The following BUB1B variants were observed in gnomAD, a reference collection of about 807,000 sequenced individuals.
The protein encoded by BUB1B is mitotic checkpoint serine/threonine-protein kinase BUB1 beta.
In BUB1B, 86 loss-of-function variants were observed where a neutral mutation model predicts 137.7. That is an observed-to-expected ratio of 0.62 (90% CI 0.52 to 0.75). The LOEUF is 0.75. BUB1B is among the 30% of genes least tolerant of loss of function. The pLI is 0.00. For synonymous variants in BUB1B, 420 were observed against 417.9 expected, an observed-to-expected ratio of 1.00 and a Z score of -0.06; for missense variants, 1,130 against 1,236.9, an observed-to-expected ratio of 0.91 and a Z score of 1.30.
In BUB1B at chr15:40,208,851, T is replaced by A. The variant is rs571817025; in HGVS notation, c.2143+81T>A. The A allele has an allele frequency of 8.8e-5, 126 of 1,434,572 alleles. 1 individual carries two copies. The East Asian group carries it at 2.4e-3, about 27-fold the overall frequency. The allele number at this position is 1,434,572 out of a possible 1,614,324, so 88.9% of individuals were successfully genotyped here. On this transcript the variant is annotated intron_variant, in intron 16 of 22. Coordinates refer to ENST00000287598, the MANE Select transcript of BUB1B (RefSeq NM_001211.6). ...AACTGAGCTGTATGTTTTTCTTTTT[T>A]TGAGACAGGGTCTCACTCTGTCACC...
At position 40,213,359 on chromosome 15, in the gene BUB1B, A is replaced by G. The variant is rs1566828604; in HGVS notation, c.2563A>G (p.Thr855Ala). 4.3e-6 allele frequency: 7 copies of G among 1,613,800 alleles called. No homozygotes were observed. Among genetic ancestry groups the G allele is most frequent in the Non-Finnish European group, 5.9e-6 (7 of 1,179,852 alleles). The change falls in exon 20 of 23, where the codon ACC (threonine) becomes GCC (alanine). Residue 855 changes from threonine (T) to alanine (A), a missense_variant. Physicochemically the swap from Thr to Ala is moderately conservative, Grantham distance 58. Transcript: ENST00000287598. The stretch of plus-strand genomic sequence containing the variant: ...TCTTCTCCAACACAGTGAATATATT[A>G]CCCATGAAATAACAGTGTTGATTAT... ...QDLLQHSEYI[T>A]HEITVLIIYN...
intron 14 of BUB1B, among the ~76,000 whole-genome samples, chr15:40,205,276 T>G (rs2037624260): frequency 6.6e-6 from 1 of 152,140 alleles, no homozygotes; most frequent in Non-Finnish European, 1.5e-5. Context: ...ATACTTTGTT[T>G]CTTCCAGATG....
chr15:40,194,249 G>A (rs901998053), intron 8 of BUB1B, among the ~76,000 whole-genome samples: 22 of 151,962 alleles, frequency 1.4e-4, no homozygotes, highest in South Asian at 2.1e-4. Flanking sequence ...TGATGAACTC[G>A]TTTGTTATCT....
chr15:40,201,027 G>A, intron 12 of BUB1B, 47 bp downstream of exon 12: 1 of 1,529,232 alleles, frequency 6.5e-7, no homozygotes, highest in Non-Finnish European at 9.1e-7. Flanking sequence ...GATAACAAAT[G>A]TATTATGTAA....
At chr15:40,171,504 A>AC (rs1298610708) in intron 4 of BUB1B, among the ~76,000 whole-genome samples, 2 of 152,112 alleles carry the variant, frequency 1.3e-5, no homozygotes, top group Non-Finnish European at 2.9e-5. Context: ...CTGAGATTGC[A>AC]CCACTGTCCG....
At chr15:40,167,657 T>C (rs1277152329) in intron 2 of BUB1B, among the ~76,000 whole-genome samples, 10 of 152,148 alleles carry the variant, frequency 6.6e-5, no homozygotes, top group Non-Finnish European at 1.2e-4. Context: ...TATTTTAGCT[T>C]TTATGTTTAG....
chr15:40,215,165 T>G (rs2037760268), intron 20 of BUB1B, among the ~76,000 whole-genome samples: 1 of 151,964 alleles, frequency 6.6e-6, no homozygotes, highest in Admixed American at 6.6e-5. Flanking sequence ...CATAGATTCA[T>G]AAGGAATTAA....
intron 6 of BUB1B, among the ~76,000 whole-genome samples, chr15:40,184,731 C>G (rs1476157386): frequency 6.6e-6 from 1 of 152,024 alleles, no homozygotes; most frequent in Non-Finnish European, 1.5e-5. Context: ...TAATAACCAG[C>G]CCCACAACAG....
At chr15:40,168,279 A>G (rs1248799505) in intron 2 of BUB1B, among the ~76,000 whole-genome samples, 1 of 152,144 alleles carries the variant, frequency 6.6e-6, no homozygotes, top group Non-Finnish European at 1.5e-5. Flanking sequence ...AGGTAGGAGA[A>G]TCACTTGAAC....
At position 40,161,869 on chromosome 15, in the gene BUB1B, A is replaced by G. The variant is rs554942985; in HGVS notation, c.35+614A>G. On this transcript the variant is annotated intron_variant, in intron 1 of 22. Transcript: ENST00000287598. ...GTGTTTTCACTGTGGTGCCCGCAAT[A>G]CCTAGATAAGTGCTATGTCATGGGC... Among the ~76,000 whole-genome samples, 3 of 152,310 alleles carry G rather than the reference A, an allele frequency of 2.0e-5. No individual in the cohort carries two copies. The South Asian group carries it at 6.2e-4, about 32-fold the overall frequency.
At chr15:40,170,259 C>A in intron 3 of BUB1B, 138 bp downstream of exon 3, 1 of 858,022 alleles carries the variant, frequency 1.2e-6, no homozygotes, top group South Asian at 1.5e-5. Flanking sequence ...CCAGAATAAT[C>A]ATAATATATC....
rs368585401 is a variant in BUB1B, at chr15:40,213,323, A to G, written c.2536-9A>G. ...AGAAATAGTGAGTTTTCTGTCCTTC[A>G]ATTTCCAGGATCTTCTCCAACACAG... On this transcript the variant is annotated splice_polypyrimidine_tract_variant and intron_variant, in intron 19 of 22. Coordinates refer to ENST00000287598, the MANE Select transcript of BUB1B (RefSeq NM_001211.6). 5.3e-5 allele frequency: 85 copies of G among 1,613,504 alleles called. No homozygotes were observed. The highest frequency in any genetic ancestry group is 6.2e-5 in the Non-Finnish European group (73 of 1,179,858).
intron 8 of BUB1B, among the ~76,000 whole-genome samples, chr15:40,188,814 C>T (rs888332769): frequency 4.6e-5 from 7 of 152,104 alleles, no homozygotes; most frequent in African/African-American, 1.2e-4. Flanking sequence ...AACTCCTGAC[C>T]TCGAGATCTG....
chr15:40,200,942 T>G lies in BUB1B; in HGVS notation c.1529T>G (p.Leu510Arg). The change falls in exon 12 of 23, where the codon CTT becomes CGT. Residue 510 changes from leucine to arginine, a missense_variant. Leu to Arg is a moderately radical substitution (Grantham distance 102). Coordinates refer to ENST00000287598, the MANE Select transcript of BUB1B (RefSeq NM_001211.6). ...QVNCCARETS[L>R]AENIWQEQPH... ...AAGTTTCTTTACAGAGAAACTTCAC[T>G]TGCGGAGAACATTTGGCAGGAACAA... 6.2e-7 allele frequency: 1 copy of G among 1,613,384 alleles called. No individual in the cohort carries two copies. The highest frequency in any genetic ancestry group is 8.5e-7 in the Non-Finnish European group (1 of 1,179,560).
chr15:40,185,368 T>G lies in BUB1B; in HGVS notation c.955T>G (p.Leu319Val). Residue 319 changes from leucine (L) to valine (V), a missense_variant, in exon 7 of 23, where the codon TTG becomes GTG. Coordinates refer to ENST00000287598, the MANE Select transcript of BUB1B (RefSeq NM_001211.6). ...QAGPWNTGRSLEHRPRGNTAS... is the reference protein window; with the variant it reads ...QAGPWNTGRSVEHRPRGNTAS... ...AGGCCCTTGGAACACAGGCAGGTCC[T>G]TGGAACACAGGGTAAGGACTCTTAG... 6.2e-7 allele frequency: 1 copy of G among 1,614,168 alleles called. No homozygotes were observed.
intron 8 of BUB1B, among the ~76,000 whole-genome samples, chr15:40,191,715 C>T (rs2037440639): frequency 6.6e-6 from 1 of 152,184 alleles, no homozygotes; most frequent in Admixed American, 6.5e-5. Context: ...CCCAGCACCA[C>T]TTGTTGAAGA....
intron 9 of BUB1B, among the ~76,000 whole-genome samples, chr15:40,197,438 A>G (rs1000758812): frequency 2.6e-5 from 4 of 152,170 alleles, no homozygotes; most frequent in Non-Finnish European, 5.9e-5. Flanking sequence ...AGTAAGGCAT[A>G]TGGGGCTTAA....
rs750124818 is a variant in BUB1B at position 40,213,201 on chromosome 15, C to G, written c.2536-131C>G. ...TGTTATTAAAACTGGGACATAGACT[C>G]AGTCTACAGAGGTGCCTACGTTCCA... On this transcript the variant is annotated intron_variant, in intron 19 of 22. Coordinates refer to ENST00000287598, the MANE Select transcript of BUB1B (RefSeq NM_001211.6). 2.3e-4 allele frequency: 201 copies of G among 882,792 alleles called. 1 individual carries two copies. Among genetic ancestry groups the G allele is most frequent in the Middle Eastern group, 1.0e-3 (3 of 3,000 alleles). 54.7% of individuals were successfully genotyped at this position (882,792 alleles called of 1,614,324 possible).
intron 14 of BUB1B, 29 bp downstream of exon 14, chr15:40,202,723 A>G: frequency 6.4e-7 from 1 of 1,560,912 alleles, no homozygotes; most frequent in Non-Finnish European, 8.8e-7. Flanking sequence ...AAGTTAATGT[A>G]AATGGGCTAG....
Sources: allele counts gnomAD v4.1 joint callset (sites outside exome capture counted in the v4.1 genomes callset), GRCh38; gene constraint gnomAD v4.1.1; transcripts MANE v1.5; gene names NCBI Gene and HGNC (gene_info 2026-07-23, HGNC 2026-07-21).